The following PARP10 variants were observed in gnomAD, a reference collection of about 807,000 sequenced individuals.
The protein encoded by PARP10 is protein mono-ADP-ribosyltransferase PARP10.
In PARP10, 56 loss-of-function variants were observed where a neutral mutation model predicts 82.4. That is an observed-to-expected ratio of 0.68 (90% confidence interval 0.55 to 0.85). PARP10 has a LOEUF of 0.85. PARP10 is among the 40% of genes least tolerant of loss of function. The probability of loss-of-function intolerance (pLI) is 0.00; values close to 1 mark genes in which losing one functional copy is unlikely to be tolerated. For missense variants in PARP10, 1,227 were observed against 1,379.4 expected, an observed-to-expected ratio of 0.89 and a Z score of 1.75; for synonymous variants, 576 against 601.1, an observed-to-expected ratio of 0.96 and a Z score of 0.61.
Position 143,985,031 on chromosome 8 carries a change from G to C in PARP10, c.971C>G (p.Ser324Cys). Residue 324 changes from serine (S) to cysteine (C), a missense_variant, in exon 5 of 11, where the codon TCT (serine) becomes TGT (cysteine). Transcript: ENST00000313028. ...VQGRGIMTTG[S>C]GQEPGQSGTS... The stretch of plus-strand genomic sequence containing the variant: ...CCCTGACTGCCCTGGTTCCTGGCCA[G>C]AGCCTGTTGTCATAATCCCTCTACC... 6.2e-7 allele frequency: 1 copy of C among 1,613,930 alleles called. No homozygotes were observed. Among genetic ancestry groups the C allele is most frequent in the African/African-American group, 1.3e-5 (1 of 75,006 alleles).
Position 143,983,779 on chromosome 8 carries a change from C to T in PARP10, c.1810G>A (p.Gly604Ser), listed in dbSNP as rs1319012820. 9.4e-6 allele frequency: 15 copies of T among 1,602,394 alleles called. No homozygotes were observed. The highest frequency in any genetic ancestry group is 2.2e-5 in the East Asian group (1 of 44,674). Residue 604 changes from glycine (G) to serine (S), a missense_variant, in exon 8 of 11, where the codon GGC (glycine) becomes AGC (serine). Gly to Ser is a moderately conservative substitution (Grantham distance 56). Transcript: ENST00000313028. ...EVRELLATLEGLDLDGEDWLP... is the reference protein window; with the variant it reads ...EVRELLATLESLDLDGEDWLP... The stretch of plus-strand genomic sequence containing the variant: ...CAGTCCTCCCCGTCTAGGTCTAGGC[C>T]CTCCAGGGTGGCCAGCAGTTCTCGG...
chr8:143,991,950 G>T (rs781876977), upstream of PARP10: 1 of 1,613,894 alleles, frequency 6.2e-7, no homozygotes, highest in Admixed American at 1.7e-5. Context: ...TGTTGCGGAG[G>T]TGAAGGGCTT....
chr8:143,992,120 G>A (rs1433543356), upstream of PARP10: 1 of 1,604,136 alleles, frequency 6.2e-7, no homozygotes, highest in Non-Finnish European at 8.5e-7. Flanking sequence ...GTCCGGCCAT[G>A]CAGTCCCACA....
upstream of PARP10, chr8:143,991,319 TGCTCAGCCTCCC>T (rs1299070752): frequency 3.6e-6 from 5 of 1,389,946 alleles, no homozygotes; most frequent in Non-Finnish European, 4.9e-6. Flanking sequence ...TGCCCCCCTA[TGCTCAGCCTCCC>T]TACCCTGGGG....
chr8:143,989,371 G>A (rs369779802), upstream of PARP10: 1 of 152,268 alleles, frequency 6.6e-6, no homozygotes, highest in African/African-American at 2.4e-5. This position sits in a 1 kb window ranked among gnomAD's most constrained non-coding sequence, Gnocchi z 4.3. Context: ...AGGGTCTCTA[G>A]TGTGAAAACA....
At chr8:143,981,368 C>T (rs1219216650) in intron 9 of PARP10, among the ~76,000 whole-genome samples, 10 of 109,938 alleles carry the variant, frequency 9.1e-5, no homozygotes, top group South Asian at 2.9e-4. Context: ...ATGGTGGTGA[C>T]GACAGTGAGT....
chr8:143,985,462 T>A lies in PARP10; in HGVS notation c.623A>T (p.Gln208Leu). The A allele has an allele frequency of 6.2e-7, 1 of 1,612,986 alleles. No homozygotes were observed. The highest frequency in any genetic ancestry group is 8.5e-7 in the Non-Finnish European group (1 of 1,179,588). ...RSGGGPLEDLQRLPGPLGTVA... is the reference protein window; with the variant it reads ...RSGGGPLEDLLRLPGPLGTVA... ...AGTGCCCAGGGGCCCGGGTAGGCGT[T>A]GCAGGTCCTCCAGGGGCCCCCCACC... Residue 208 changes from glutamine to leucine, a missense_variant, in exon 4 of 11, where the codon CAA becomes CTA. Physicochemically the swap from Gln to Leu is moderately radical, Grantham distance 113. Coordinates refer to ENST00000313028, the MANE Select transcript of PARP10 (RefSeq NM_032789.5).
intron 1 of PARP10, among the ~76,000 whole-genome samples, chr8:143,997,015 C>T (rs1330834271): frequency 1.3e-5 from 2 of 152,170 alleles, no homozygotes; most frequent in African/African-American, 2.4e-5. Flanking sequence ...CCTGGGGGAC[C>T]TGGTCCCAGC....
rs1834283036 is a variant in PARP10, at chr8:144,011,524, G to A, written c.-80+1006C>T. Reference sequence around the variant, plus strand: ...CTATCCTCTCCCTGCCCCAAAAAGAGGTTTGAGGGAGAACAGCCACAGAGC... The same window carrying A: ...CTATCCTCTCCCTGCCCCAAAAAGAAGTTTGAGGGAGAACAGCCACAGAGC... On this transcript the variant is annotated intron_variant, in intron 1 of 3. Coordinates refer to the PARP10 transcript ENST00000530478. This position sits in a 1 kb window ranked among gnomAD's most constrained non-coding sequence, Gnocchi z 4.5. 6.6e-6 allele frequency among the ~76,000 whole-genome samples: 1 copy of A among 152,140 alleles called. No homozygotes were observed. Among genetic ancestry groups the A allele is most frequent in the African/African-American group, 2.4e-5 (1 of 41,426 alleles).
chr8:144,012,704 C>T (rs1442685330), exon 1 of PARP10: 1 of 1,551,636 alleles, frequency 6.4e-7, no homozygotes, highest in East Asian at 2.4e-5. Flanking sequence ...CAACAGCAGG[C>T]CTTTCCTCAC....
In PARP10 at chr8:143,985,888, C is replaced by A; in HGVS notation, c.269G>T (p.Arg90Leu). ...AGGGGGCAGTCCTTGGAGCAGCAGGCGTGCAGGGGCTCGTGGTGGAGCTGG... is the reference window on the plus strand; with the variant it reads ...AGGGGGCAGTCCTTGGAGCAGCAGGAGTGCAGGGGCTCGTGGTGGAGCTGG... ...LRPAPPRAPA[R>L]LLLQGLPPGT... Residue 90 changes from arginine to leucine, a missense_variant, in exon 3 of 11, where the codon CGC (arginine) becomes CTC (leucine). Physicochemically the swap from Arg to Leu is moderately radical, Grantham distance 102. Coordinates refer to ENST00000313028, the MANE Select transcript of PARP10 (RefSeq NM_032789.5). The A allele has an allele frequency of 6.3e-7, 1 of 1,589,306 alleles. No homozygotes were observed. Among genetic ancestry groups the A allele is most frequent in the South Asian group, 1.1e-5 (1 of 89,200 alleles).
rs535240251 is a variant in PARP10, at chr8:144,000,337, T to C, written c.-80+12193A>G. 2.1e-4 allele frequency among the ~76,000 whole-genome samples: 32 copies of C among 152,198 alleles called. 1 individual carries two copies. The South Asian group carries it at 6.4e-3, about 31-fold the overall frequency. On this transcript the variant is annotated intron_variant, in intron 1 of 3. Transcript: ENST00000530478. ...ACACACACACACAGGGAAAATGCCA[T>C]GTGGAGATTGGAGGTGTGTTGCCAC... is the stretch of plus-strand genomic sequence containing the variant.
upstream of PARP10, chr8:143,992,835 G>A (rs1024596003): frequency 6.2e-7 from 1 of 1,613,162 alleles, no homozygotes; most frequent in Non-Finnish European, 8.5e-7. Context: ...GCCGCGCCAA[G>A]GAGTAGCCGA....
Position 143,977,659 on chromosome 8 carries a change from G to C in PARP10, c.2903C>G (p.Pro968Arg). Residue 968 changes from proline (P) to arginine (R), a missense_variant, in exon 11 of 11, where the codon CCT becomes CGT. Pro to Arg is a moderately radical substitution (Grantham distance 103). Transcript: ENST00000313028. The stretch of plus-strand genomic sequence containing the variant: ...GTCGTAGCGCAGGAGCACGTGGCCA[G>C]GACCCCGCAGAGGGGGCGCCCGCAG... Reference protein sequence around the residue: ...RGLRAPPLRGPGHVLLRYDSA... With the variant: ...RGLRAPPLRGRGHVLLRYDSA... The C allele has an allele frequency of 6.3e-7, 1 of 1,594,324 alleles. No individual in the cohort carries two copies. The highest frequency in any genetic ancestry group is 8.5e-7 in the Non-Finnish European group (1 of 1,171,244).
At chr8:143,983,860 T>C (rs1268956639) in intron 7 of PARP10, 49 bp from the exon 8 acceptor site, 2 of 1,525,226 alleles carry the variant, frequency 1.3e-6, no homozygotes, top group Non-Finnish European at 1.8e-6. Context: ...CCAGGAGGAG[T>C]TGGAATGGAT....
At chr8:143,982,520 C>T (rs1291017598) in intron 9 of PARP10, among the ~76,000 whole-genome samples, 2 of 152,198 alleles carry the variant, frequency 1.3e-5, no homozygotes, top group Non-Finnish European at 1.5e-5. Flanking sequence ...GTGACCGCAG[C>T]GAGCCCGGGC....
At chr8:144,005,087 G>A (rs929775154) in intron 1 of PARP10, among the ~76,000 whole-genome samples, 5 of 151,730 alleles carry the variant, frequency 3.3e-5, no homozygotes, top group African/African-American at 4.9e-5. Flanking sequence ...GGTGAGGCAC[G>A]AGACTCACTT....
upstream of PARP10, chr8:143,991,339 G>A: frequency 7.2e-7 from 1 of 1,382,340 alleles, no homozygotes; most frequent in Non-Finnish European, 9.8e-7. Context: ...CCCTACCCTG[G>A]GGCCCCTTAC....
chr8:143,999,780 C>CA (rs1834188864), intron 1 of PARP10, among the ~76,000 whole-genome samples: 1 of 151,610 alleles, frequency 6.6e-6, no homozygotes, highest in Non-Finnish European at 1.5e-5. Context: ...TAACTGAAAC[C>CA]AAAAATTCAA....
Sources: allele counts gnomAD v4.1 joint callset (sites outside exome capture counted in the v4.1 genomes callset), GRCh38; gene constraint gnomAD v4.1.1; non-coding constraint Gnocchi (gnomAD v3.1); transcripts MANE v1.5; gene names NCBI Gene and HGNC (gene_info 2026-07-23, HGNC 2026-07-21).